ANKFN1: variants seen among roughly 807,000 people sequenced by gnomAD.
The protein encoded by ANKFN1 is ankyrin repeat and fibronectin type-III domain-containing protein 1.
In ANKFN1, 74 loss-of-function variants were observed where a neutral mutation model predicts 108.7. The ratio of observed to expected loss-of-function variants is 0.68; its 90% CI spans 0.56 to 0.83. The LOEUF is 0.83. Ranked by LOEUF, ANKFN1 falls within the 40% of genes least tolerant of loss-of-function variation. The pLI is 0.00. For synonymous variants in ANKFN1, 547 were observed against 516.2 expected, an observed-to-expected ratio of 1.06 and a Z score of -0.81; for missense variants, 1,505 against 1,382.3, an observed-to-expected ratio of 1.09 and a Z score of -1.41.
In ANKFN1 at chr17:56,449,227, C is replaced by A. The variant is rs1226160319; in HGVS notation, c.1207+41C>A. On this transcript the variant is annotated intron_variant, in intron 11 of 20. Transcript: ENST00000682825. ...TGTGCTGGGCCATCAACTGAGGTCT[C>A]GGTGGCGCCGGTAATTTTAGCAGTT... 6 of 1,499,394 alleles carry A rather than the reference C, an allele frequency of 4.0e-6. No individual in the cohort carries two copies. In the East Asian group the frequency reaches 1.4e-4, roughly 34 times the overall value. The allele number at this position is 1,499,394 out of a possible 1,614,324, so 92.9% of individuals were successfully genotyped here.
chr17:56,198,071 A>C (rs1480743851), intron 1 of ANKFN1, among the ~76,000 whole-genome samples: 2 of 152,210 alleles, frequency 1.3e-5, no homozygotes, highest in Non-Finnish European at 2.9e-5. Flanking sequence ...CACATTCCTT[A>C]TGAGAGTCTA....
At chr17:56,206,592 G>T (rs191996672) in intron 1 of ANKFN1, 8 of 152,312 alleles carry the variant, frequency 5.3e-5, no homozygotes, top group Non-Finnish European at 1.0e-4. Flanking sequence ...AGAAGGGTTG[G>T]CAGAAACACC....
At chr17:56,235,590 G>A (rs572162196) in intron 3 of ANKFN1, among the ~76,000 whole-genome samples, 1 of 152,236 alleles carries the variant, frequency 6.6e-6, no homozygotes, top group Non-Finnish European at 1.5e-5. Context: ...TGTTACCCCA[G>A]CACCATTTCT....
intron 6 of ANKFN1, among the ~76,000 whole-genome samples, chr17:56,368,433 C>T (rs2046722711): frequency 6.6e-6 from 1 of 151,440 alleles, no homozygotes; most frequent in Non-Finnish European, 1.5e-5. Flanking sequence ...GTGCCGGTCA[C>T]CACGCAAGGC....
At chr17:56,268,174 C>T (rs375127850) in intron 3 of ANKFN1, among the ~76,000 whole-genome samples, 2 of 152,126 alleles carry the variant, frequency 1.3e-5, no homozygotes, top group East Asian at 3.9e-4. Context: ...TCACCACACG[C>T]TTGGCCATAA....
intron 16 of ANKFN1, among the ~76,000 whole-genome samples, 159 bp downstream of exon 16, chr17:56,477,813 G>A (rs1338845632): frequency 6.6e-6 from 1 of 151,796 alleles, no homozygotes; most frequent in South Asian, 2.1e-4. Context: ...TTAGTTTTGG[G>A]GTTTTTTTTT....
chr17:56,132,081 A>G (rs770660550), intron 4 of ANKFN1, among the ~76,000 whole-genome samples: 2 of 152,190 alleles, frequency 1.3e-5, no homozygotes, highest in Non-Finnish European at 2.9e-5. Flanking sequence ...CAAGTGACTC[A>G]TGATAGGTAG....
intron 3 of ANKFN1, among the ~76,000 whole-genome samples, chr17:56,264,241 A>G (rs576423792): frequency 2.6e-5 from 4 of 152,316 alleles, no homozygotes; most frequent in African/African-American, 9.6e-5. Flanking sequence ...AGGCTGAGCT[A>G]TGTAACTTAC....
At position 56,102,599 on chromosome 17, in the gene ANKFN1, G is replaced by C. The variant is rs118003710; in HGVS notation, c.288+56274G>C. On this transcript the variant is annotated intron_variant, in intron 4 of 12. Coordinates refer to the ANKFN1 transcript ENST00000635860. Reference sequence around the variant, plus strand: ...ACAAGCATTAGAATCCACTGGGGGAGATCCTGAAAAATGCCCAAGCCCTTC... The same window carrying C: ...ACAAGCATTAGAATCCACTGGGGGACATCCTGAAAAATGCCCAAGCCCTTC... Among the ~76,000 whole-genome samples the C allele has an allele frequency of 7.9e-3, 1,195 of 150,976 alleles. 10 individuals carry two copies. Among genetic ancestry groups the C allele is most frequent in the Non-Finnish European group, 0.012 (848 of 67,846 alleles).
At chr17:56,344,683 A>G (rs567704085) in intron 4 of ANKFN1, among the ~76,000 whole-genome samples, 12 of 151,988 alleles carry the variant, frequency 7.9e-5, no homozygotes, top group Non-Finnish European at 1.8e-4. Context: ...AAACAACAGA[A>G]AAAAAGGCTA....
At chr17:56,237,751 G>A (rs901954780) in intron 3 of ANKFN1, among the ~76,000 whole-genome samples, 1 of 149,670 alleles carries the variant, frequency 6.7e-6, no homozygotes, top group Non-Finnish European at 1.5e-5. Flanking sequence ...TTTTGGAATG[G>A]TTTTTTTTTG....
At chr17:56,093,522 A>G (rs1905460121) in intron 4 of ANKFN1, among the ~76,000 whole-genome samples, 1 of 151,270 alleles carries the variant, frequency 6.6e-6, no homozygotes, top group South Asian at 2.1e-4. Context: ...ACCCAGGAAT[A>G]AAAACTGCCA....
intron 12 of ANKFN1, 88 bp downstream of exon 12, chr17:56,457,048 T>A: frequency 1.5e-6 from 2 of 1,323,916 alleles, no homozygotes; most frequent in Admixed American, 2.3e-5. Flanking sequence ...TAGAAATTTT[T>A]TTGTGTTCAA....
intron 2 of ANKFN1, among the ~76,000 whole-genome samples, chr17:56,224,253 A>T (rs1286597861): frequency 6.6e-6 from 1 of 152,196 alleles, no homozygotes; most frequent in Non-Finnish European, 1.5e-5. Flanking sequence ...TCTTAAATTA[A>T]TTTCACAGGT....
chr17:56,229,530 C>T (rs182468767), intron 3 of ANKFN1, among the ~76,000 whole-genome samples: 5 of 151,744 alleles, frequency 3.3e-5, no homozygotes, highest in East Asian at 1.9e-4. Context: ...ATATATTAAT[C>T]GTGAAAATTT....
intron 3 of ANKFN1, among the ~76,000 whole-genome samples, chr17:56,246,152 C>T (rs1917942094): frequency 6.6e-6 from 1 of 152,002 alleles, no homozygotes; most frequent in Non-Finnish European, 1.5e-5. Context: ...AAACTGCAAC[C>T]GAAATATAAC....
At chr17:56,348,437 T>A (rs1416660855) in intron 4 of ANKFN1, among the ~76,000 whole-genome samples, 1 of 151,660 alleles carries the variant, frequency 6.6e-6, no homozygotes, top group African/African-American at 2.4e-5. Flanking sequence ...AAAAGGTGCC[T>A]CAGCAAAAGA....
At chr17:56,335,811 C>T (rs1223591410) in intron 4 of ANKFN1, among the ~76,000 whole-genome samples, 2 of 152,198 alleles carry the variant, frequency 1.3e-5, no homozygotes, top group African/African-American at 2.4e-5. Flanking sequence ...AAAGGGAGGG[C>T]TTCCAGTTTC....
intron 8 of ANKFN1, among the ~76,000 whole-genome samples, chr17:56,439,497 G>A (rs1439027851): frequency 6.6e-6 from 1 of 151,798 alleles, no homozygotes; most frequent in Non-Finnish European, 1.5e-5. Context: ...GTAAAATGGG[G>A]TGTTAGAATT....
Sources: allele counts gnomAD v4.1 joint callset (sites outside exome capture counted in the v4.1 genomes callset), GRCh38; gene constraint gnomAD v4.1.1; transcripts MANE v1.5; gene names NCBI Gene and HGNC (gene_info 2026-07-23, HGNC 2026-07-21).